The following MKLN1 variants were observed in gnomAD, a reference collection of about 807,000 sequenced individuals.
MKLN1 encodes the protein muskelin.
Under a neutral mutation model 99.0 loss-of-function variants are expected in MKLN1, and 18 were observed. The ratio of observed to expected loss-of-function variants is 0.18; its 90% CI spans 0.13 to 0.27. The LOEUF (loss-of-function observed/expected upper bound fraction) is 0.27. Among genes scored for constraint, MKLN1 ranks in the 10% least tolerant of loss-of-function variants. MKLN1 has a pLI of 1.00. For missense variants in MKLN1, 621 were observed against 875.9 expected, an observed-to-expected ratio of 0.71 and a Z score of 3.67; for synonymous variants, 288 against 293.2, an observed-to-expected ratio of 0.98 and a Z score of 0.18.
chr7:131,385,033 T>G (rs925680713), intron 2 of MKLN1, among the ~76,000 whole-genome samples: 1 of 152,098 alleles, frequency 6.6e-6, no homozygotes, highest in African/African-American at 2.4e-5. Flanking sequence ...CAGTAAGGAG[T>G]ATCTCCTTTT....
At chr7:131,153,373 T>C (rs1391261288) in intron 2 of MKLN1, among the ~76,000 whole-genome samples, 1 of 152,180 alleles carries the variant, frequency 6.6e-6, no homozygotes, top group Non-Finnish European at 1.5e-5. Flanking sequence ...CATCTTCAAA[T>C]TGGTTCCTGA....
chr7:131,349,484 G>A (rs908856399), intron 1 of MKLN1, among the ~76,000 whole-genome samples: 10 of 152,196 alleles, frequency 6.6e-5, no homozygotes, highest in East Asian at 1.9e-4. Context: ...ATGAGCCGCC[G>A]CACCCGGCCT....
At position 131,252,454 on chromosome 7, in the gene MKLN1, G is replaced by A. The variant is rs192144630; in HGVS notation, c.-179+49480G>A. ...TGTGATTCTTCTGCCTCAGCCTCCCGAGTAGCTGGGACTACAGGTGCATGC... is the reference window on the plus strand; with the variant it reads ...TGTGATTCTTCTGCCTCAGCCTCCCAAGTAGCTGGGACTACAGGTGCATGC... On this transcript the variant is annotated intron_variant, in intron 3 of 7. Coordinates refer to the MKLN1 transcript ENST00000416992. Among the ~76,000 whole-genome samples the A allele has an allele frequency of 1.4e-4, 21 of 148,216 alleles. 1 individual carries two copies. Among genetic ancestry groups the A allele is most frequent in the African/African-American group, 5.2e-4 (21 of 40,346 alleles).
chr7:131,226,546 G>C (rs1244097971), intron 3 of MKLN1, among the ~76,000 whole-genome samples: 1 of 152,214 alleles, frequency 6.6e-6, no homozygotes, highest in Non-Finnish European at 1.5e-5. Flanking sequence ...TGAGAGAATA[G>C]TTCAGCAAAT....
At chr7:131,400,518 A>ATATATATATAT (rs1554567982) in intron 6 of MKLN1, among the ~76,000 whole-genome samples, 1,520 of 137,292 alleles carry the variant, frequency 0.011, 17 homozygotes, top group African/African-American at 0.019. Context: ...ATAAAAAAAA[A>ATATATATATAT]ATATATATAT....
At chr7:131,393,146 A>G (rs985360047) in intron 4 of MKLN1, among the ~76,000 whole-genome samples, 11 of 152,278 alleles carry the variant, frequency 7.2e-5, no homozygotes, top group African/African-American at 2.4e-4. Context: ...GATTATATTC[A>G]TGTCTGATTG....
chr7:131,131,937 G>T (rs1427541366), intron 1 of MKLN1, among the ~76,000 whole-genome samples: 1 of 152,156 alleles, frequency 6.6e-6, no homozygotes, highest in Non-Finnish European at 1.5e-5. Flanking sequence ...TGATAAGCAG[G>T]TTGAGACTCA....
intron 2 of MKLN1, among the ~76,000 whole-genome samples, chr7:131,170,819 G>T (rs749561408): frequency 1.3e-5 from 2 of 152,194 alleles, no homozygotes; most frequent in Admixed American, 6.5e-5. Flanking sequence ...CAGATTGAGA[G>T]AATTCTTAGG....
At chr7:131,423,078 T>G (rs915784116) in intron 8 of MKLN1, among the ~76,000 whole-genome samples, 5 of 152,228 alleles carry the variant, frequency 3.3e-5, no homozygotes, top group Non-Finnish European at 7.3e-5. Context: ...TAGAAATATA[T>G]TAATAAATTT....
intron 3 of MKLN1, among the ~76,000 whole-genome samples, chr7:131,260,264 T>C (rs760020295): frequency 3.6e-4 from 54 of 152,014 alleles, no homozygotes; most frequent in Non-Finnish European, 6.6e-4. Flanking sequence ...AGGCTGGTCT[T>C]GAACTCCTGA....
intron 1 of MKLN1, among the ~76,000 whole-genome samples, chr7:131,123,165 T>TACTGTA (rs1795402701): frequency 2.0e-5 from 3 of 152,088 alleles, no homozygotes; most frequent in African/African-American, 7.2e-5. Context: ...AACTGGAAAT[T>TACTGTA]TTAGGAAATA....
chr7:131,224,654 AT>A (rs1483848305), intron 3 of MKLN1, among the ~76,000 whole-genome samples: 1 of 151,958 alleles, frequency 6.6e-6, no homozygotes, highest in African/African-American at 2.4e-5. Flanking sequence ...ACGCCAGAGG[AT>A]TACTTGAACC....
chr7:131,220,093 A>T (rs1161008289), intron 3 of MKLN1, among the ~76,000 whole-genome samples: 2 of 152,130 alleles, frequency 1.3e-5, no homozygotes, highest in Non-Finnish European at 2.9e-5. Context: ...GATCAGTCTT[A>T]CCAAGGAGAA....
intron 2 of MKLN1, among the ~76,000 whole-genome samples, chr7:131,155,423 A>G (rs1429537793): frequency 6.6e-6 from 1 of 152,220 alleles, no homozygotes; most frequent in Non-Finnish European, 1.5e-5. Flanking sequence ...TTGTAAACAT[A>G]CATATATCGT....
At chr7:131,413,640 A>G (rs1794939260) in intron 7 of MKLN1, among the ~76,000 whole-genome samples, 2 of 152,050 alleles carry the variant, frequency 1.3e-5, no homozygotes, top group African/African-American at 4.8e-5. Context: ...CCTGAGTTCA[A>G]GTGATTCTCC....
intron 3 of MKLN1, among the ~76,000 whole-genome samples, chr7:131,277,473 G>A (rs929255282): frequency 2.0e-5 from 3 of 151,948 alleles, no homozygotes; most frequent in African/African-American, 7.2e-5. Context: ...TAGTAGAGAC[G>A]GGGTTTCACC....
intron 3 of MKLN1, among the ~76,000 whole-genome samples, chr7:131,234,844 T>C (rs1320184315): frequency 6.6e-6 from 1 of 152,190 alleles, no homozygotes; most frequent in African/African-American, 2.4e-5. Flanking sequence ...ACCAGACAAC[T>C]TTCTCTGCTT....
chr7:131,136,904 G>A (rs1003439208), intron 1 of MKLN1, among the ~76,000 whole-genome samples: 1 of 152,130 alleles, frequency 6.6e-6, no homozygotes, highest in Non-Finnish European at 1.5e-5. Flanking sequence ...TAGTTCAATC[G>A]CCACACCTAC....
chr7:131,420,913 T>C (rs1349765777), intron 8 of MKLN1, among the ~76,000 whole-genome samples: 1 of 152,250 alleles, frequency 6.6e-6, no homozygotes, highest in East Asian at 1.9e-4. Flanking sequence ...GGAAACTGTA[T>C]TCAGATACTG....
Sources: gnomAD v4.1 joint callset for allele counts (sites outside exome capture counted in the v4.1 genomes callset) on GRCh38, gnomAD v4.1.1 for gene constraint, MANE v1.5 for transcripts, NCBI Gene and HGNC (gene_info 2026-07-23, HGNC 2026-07-21) for gene names.